The following RNF38 variants were observed in gnomAD, a reference collection of about 807,000 sequenced individuals.
RNF38 encodes ring finger protein 38.
In RNF38, 15 loss-of-function variants were observed where a neutral mutation model predicts 67.2. That is an observed-to-expected ratio of 0.22 (90% CI 0.15 to 0.34). The LOEUF is 0.34. RNF38 is among the 10% of genes least tolerant of loss of function. The pLI, the probability that RNF38 is intolerant of heterozygous loss-of-function variation, is 1.00. For synonymous variants in RNF38, 220 were observed against 218.8 expected (o/e 1.01, Z -0.05); for missense variants, 524 against 639.9 (o/e 0.82, Z 1.95).
At chr9:36,381,198 C>T (rs1407667266) in intron 2 of RNF38, among the ~76,000 whole-genome samples, 6 of 152,290 alleles carry the variant, frequency 3.9e-5, no homozygotes, top group East Asian at 3.9e-4. Context: ...TCCAGAACTA[C>T]GCTACTACAA....
At position 36,356,652 on chromosome 9, in the gene RNF38, G is replaced by A. The variant is rs555854294; in HGVS notation, c.739-179C>T. 1.1e-3 allele frequency among the ~76,000 whole-genome samples: 156 copies of A among 146,288 alleles called. 2 individuals carry two copies. Among genetic ancestry groups the A allele is most frequent in the Non-Finnish European group, 1.9e-3 (125 of 67,382 alleles). On this transcript the variant is annotated intron_variant, in intron 5 of 11. Transcript: ENST00000259605. ...TTTTTAATCTACTAGTAAAGTAATG[G>A]TACTAATAACTATTCTGTATTTTAT...
intron 1 of RNF38, among the ~76,000 whole-genome samples, chr9:36,396,123 AG>A (rs1335705388): frequency 6.4e-4 from 98 of 152,354 alleles, no homozygotes; most frequent in Non-Finnish European, 2.6e-4. Context: ...ACTAACACCT[AG>A]AAGAGTACAT....
chr9:36,370,649 TA>T (rs1369798191), intron 3 of RNF38, among the ~76,000 whole-genome samples: 1 of 152,208 alleles, frequency 6.6e-6, no homozygotes, highest in East Asian at 1.9e-4. Context: ...CTCATGCCTG[TA>T]ATCCTAGCAC....
At chr9:36,425,412 G>A (rs1838742300) in intron 1 of RNF38, among the ~76,000 whole-genome samples, 1 of 152,182 alleles carries the variant, frequency 6.6e-6, no homozygotes, top group African/African-American at 2.4e-5. Flanking sequence ...TAATCTTAGA[G>A]GCCAGGTGCA....
intron 1 of RNF38, among the ~76,000 whole-genome samples, chr9:36,480,225 T>C (rs1840218113): frequency 6.6e-6 from 1 of 151,996 alleles, no homozygotes; most frequent in African/African-American, 2.4e-5. Flanking sequence ...GTGATCCACC[T>C]ACCTCAGCCT....
At chr9:36,384,500 T>C (rs777284782) in intron 2 of RNF38, among the ~76,000 whole-genome samples, 4 of 152,128 alleles carry the variant, frequency 2.6e-5, no homozygotes, top group Non-Finnish European at 1.5e-5. Flanking sequence ...TGCTGGGTAC[T>C]TGATTAGCAG....
intron 1 of RNF38, among the ~76,000 whole-genome samples, chr9:36,442,041 G>C (rs1269453613): frequency 6.6e-6 from 1 of 151,928 alleles, no homozygotes; most frequent in Non-Finnish European, 1.5e-5. Context: ...CCCTACATAG[G>C]AACCATCAAT....
intron 1 of RNF38, among the ~76,000 whole-genome samples, chr9:36,398,534 G>A (rs1277189895): frequency 6.6e-6 from 1 of 152,160 alleles, no homozygotes; most frequent in Non-Finnish European, 1.5e-5. Context: ...TAGAGTTCAA[G>A]TATTAATGCT....
In RNF38 at chr9:36,371,259, C is replaced by A. The variant is rs375577533; in HGVS notation, c.357-1327G>T. 7.0e-4 allele frequency among the ~76,000 whole-genome samples: 106 copies of A among 152,286 alleles called. 1 individual carries two copies. In the South Asian group the frequency reaches 0.022, roughly 31 times the overall value. ...TCCTAATTCTCCAATCTTAAGAGAA[C>A]AAGGGACATTCCTTTATGAGATCAA... On this transcript the variant is annotated intron_variant, in intron 3 of 11. Transcript: ENST00000259605.
At chr9:36,398,978 C>T (rs1215264620) in intron 1 of RNF38, among the ~76,000 whole-genome samples, 1 of 152,152 alleles carries the variant, frequency 6.6e-6, no homozygotes, top group Non-Finnish European at 1.5e-5. Flanking sequence ...CAAACAGAAA[C>T]AGCCTAGGAA....
At chr9:36,380,500 T>C (rs1439582915) in intron 2 of RNF38, among the ~76,000 whole-genome samples, 1 of 147,684 alleles carries the variant, frequency 6.8e-6, no homozygotes, top group East Asian at 1.9e-4. Context: ...GCGCCCGGCC[T>C]GTTTTTTTTT....
intron 11 of RNF38, among the ~76,000 whole-genome samples, chr9:36,341,981 G>C (rs1211315100): frequency 2.0e-5 from 3 of 151,926 alleles, no homozygotes; most frequent in African/African-American, 7.3e-5. Context: ...AAAAACACTA[G>C]ATGTATTTTT....
At chr9:36,442,928 C>A (rs1442800448) in intron 1 of RNF38, among the ~76,000 whole-genome samples, 1 of 152,200 alleles carries the variant, frequency 6.6e-6, no homozygotes, top group Non-Finnish European at 1.5e-5. Context: ...CTAAGCCCTG[C>A]CTAGTTGCTC....
chr9:36,400,331 T>G (rs2134147011), upstream of RNF38: 1 of 1,247,564 alleles, frequency 8.0e-7, no homozygotes, highest in Admixed American at 3.9e-5. Context: ...TTCACCTGCG[T>G]CTCGGCAAAA....
At chr9:36,464,364 C>G (rs894451576) in intron 1 of RNF38, among the ~76,000 whole-genome samples, 1 of 151,384 alleles carries the variant, frequency 6.6e-6, no homozygotes, top group Non-Finnish European at 1.5e-5. Context: ...GTCAGGAGTT[C>G]GAGACCAGCC....
chr9:36,373,428 T>C (rs1835539184), intron 3 of RNF38, among the ~76,000 whole-genome samples: 1 of 152,080 alleles, frequency 6.6e-6, no homozygotes, highest in Non-Finnish European at 1.5e-5. Context: ...TAACAGTACA[T>C]TCCTAAGTAT....
At chr9:36,441,199 C>T (rs559607826) in intron 1 of RNF38, among the ~76,000 whole-genome samples, 1 of 152,122 alleles carries the variant, frequency 6.6e-6, no homozygotes, top group East Asian at 1.9e-4. Flanking sequence ...TCCATCCCAG[C>T]AGACACTTAT....
chr9:36,409,697 C>G (rs905827008), intron 2 of RNF38, among the ~76,000 whole-genome samples: 2 of 152,192 alleles, frequency 1.3e-5, no homozygotes, highest in African/African-American at 2.4e-5. Context: ...AGTGTTTCCA[C>G]TGATGATAGT....
Position 36,353,248 on chromosome 9 carries a change from G to A in RNF38, c.993C>T (p.His331=), listed in dbSNP as rs780213325. ...VGGFTYPPSA[H]PPTLPPSAPL... ...GAGCTGATGGAGGTAATGTTGGGGG[G>A]TGGGCTGATGGAGGGTAAGTAAAAC... The change falls in exon 7 of 12, where the codon CAC becomes CAT. Residue 331 remains histidine (H), a synonymous_variant. Coordinates refer to ENST00000259605, the MANE Select transcript of RNF38 (RefSeq NM_022781.5). 6.2e-7 allele frequency: 1 copy of A among 1,612,706 alleles called. No individual in the cohort carries two copies. The highest frequency in any genetic ancestry group is 8.5e-7 in the Non-Finnish European group (1 of 1,178,848).
Sources: gnomAD v4.1 joint callset for allele counts (sites outside exome capture counted in the v4.1 genomes callset) on GRCh38, gnomAD v4.1.1 for gene constraint, MANE v1.5 for transcripts, NCBI Gene and HGNC (gene_info 2026-07-23, HGNC 2026-07-21) for gene names.